COL24A1: variants seen among roughly 807,000 people sequenced by gnomAD.
COL24A1 encodes the protein collagen alpha-1(XXIV) chain.
A neutral mutation model predicts 253.9 loss-of-function variants in COL24A1; 224 were observed. That is an observed-to-expected ratio of 0.88 (90% confidence interval 0.79 to 0.99). The LOEUF is 0.99. Ranked by LOEUF, COL24A1 falls within the 50% of genes least tolerant of loss-of-function variation. The pLI, the probability that COL24A1 is intolerant of heterozygous loss-of-function variation, is 0.00. For missense variants in COL24A1, 2,131 were observed against 2,068.5 expected (o/e 1.03, Z -0.59); for synonymous variants, 685 against 673.7 (o/e 1.02, Z -0.26).
chr1:85,766,368 C>CAAAAAAAAAAAAAAAAAAAAGAAAAA (rs1667367433), intron 53 of COL24A1, among the ~76,000 whole-genome samples: 1 of 66,294 alleles, frequency 1.5e-5, no homozygotes, highest in Non-Finnish European at 2.6e-5. Context: ...GACTCTGTCT[C>CAAAAAAAAAAAAAAAAAAAAGAAAAA]AAAAAAAAAA....
intron 55 of COL24A1, among the ~76,000 whole-genome samples, chr1:85,746,100 G>A (rs1360760234): frequency 2.0e-5 from 3 of 151,774 alleles, no homozygotes; most frequent in Non-Finnish European, 4.4e-5. Flanking sequence ...ATTAGTAAAA[G>A]TCTTTTTTTT....
intron 32 of COL24A1, among the ~76,000 whole-genome samples, chr1:85,879,264 T>G (rs1681552574): frequency 6.6e-6 from 1 of 151,924 alleles, no homozygotes; most frequent in African/African-American, 2.4e-5. Flanking sequence ...TGTGTGTGTG[T>G]GTGTGTGTGT....
chr1:85,953,255 G>A (rs138121376), intron 24 of COL24A1, among the ~76,000 whole-genome samples: 16 of 152,098 alleles, frequency 1.1e-4, no homozygotes, highest in Admixed American at 2.6e-4. Context: ...GCCACCCCTC[G>A]ACCCCTTCTA....
intron 43 of COL24A1, among the ~76,000 whole-genome samples, chr1:85,832,873 C>A (rs575199025): frequency 6.7e-6 from 1 of 150,320 alleles, no homozygotes; most frequent in South Asian, 2.1e-4. Context: ...CATCTGCAAA[C>A]AGGGACAATT....
chr1:85,861,476 T>C (rs983517007), intron 37 of COL24A1, among the ~76,000 whole-genome samples: 1 of 152,204 alleles, frequency 6.6e-6, no homozygotes, highest in Non-Finnish European at 1.5e-5. Flanking sequence ...CCAATTTATC[T>C]TAGAAGACGT....
rs182160705 is a variant in COL24A1 at position 86,140,658 on chromosome 1, T to C, written c.121+5461A>G. ...CATGAACCTGAGAAAGATGTGCATG[T>C]TAAGAATTAGTTACACATTATGCAT... On this transcript the variant is annotated intron_variant, in intron 2 of 59. Transcript: ENST00000370571. Among the ~76,000 whole-genome samples the C allele has an allele frequency of 2.0e-5, 3 of 152,358 alleles. No homozygotes were observed. The East Asian group carries it at 5.8e-4, about 29-fold the overall frequency.
intron 19 of COL24A1, among the ~76,000 whole-genome samples, chr1:86,008,298 G>A (rs1696154337): frequency 6.6e-6 from 1 of 151,914 alleles, no homozygotes; most frequent in African/African-American, 2.4e-5. Flanking sequence ...AGGCTGGAGT[G>A]CAGTGGTGTA....
At chr1:85,947,631 T>G (rs960643214) in intron 24 of COL24A1, among the ~76,000 whole-genome samples, 2 of 152,018 alleles carry the variant, frequency 1.3e-5, no homozygotes, top group Non-Finnish European at 2.9e-5. Context: ...AAAATATTTG[T>G]TTTAAAAAGC....
chr1:86,010,247 CA>C (rs573760658), intron 19 of COL24A1, among the ~76,000 whole-genome samples: 2 of 151,932 alleles, frequency 1.3e-5, no homozygotes, highest in African/African-American at 4.8e-5. Flanking sequence ...TGCTTTCTGT[CA>C]AAAAACACTA....
intron 43 of COL24A1, among the ~76,000 whole-genome samples, chr1:85,828,371 G>A (rs1186463000): frequency 4.6e-5 from 7 of 151,260 alleles, no homozygotes; most frequent in African/African-American, 1.7e-4. Flanking sequence ...AATAGGTGTG[G>A]TGTGGTGCTG....
intron 24 of COL24A1, among the ~76,000 whole-genome samples, chr1:85,914,277 G>C (rs1183526800): frequency 6.7e-6 from 1 of 149,858 alleles, no homozygotes; most frequent in Non-Finnish European, 1.5e-5. Context: ...TAATTGTCAT[G>C]AGTATTTCAT....
chr1:85,890,219 A>G (rs1175234281), intron 31 of COL24A1, among the ~76,000 whole-genome samples: 1 of 152,172 alleles, frequency 6.6e-6, no homozygotes, highest in African/African-American at 2.4e-5. Context: ...GTATGCGAGT[A>G]TCTGTATGAG....
chr1:86,154,959 G>A (rs1176602106), intron 1 of COL24A1: 2 of 152,418 alleles, frequency 1.3e-5, no homozygotes, highest in Non-Finnish European at 2.9e-5. Flanking sequence ...CTCCAGGCTG[G>A]TCCACACAGA....
chr1:85,845,066 T>C (rs1677027658), intron 39 of COL24A1, among the ~76,000 whole-genome samples: 1 of 151,830 alleles, frequency 6.6e-6, no homozygotes, highest in South Asian at 2.1e-4. Context: ...CAAATACAAA[T>C]GCAAAACTCT....
At chr1:85,754,594 C>G (rs1666005022) in intron 55 of COL24A1, among the ~76,000 whole-genome samples, 2 of 143,848 alleles carry the variant, frequency 1.4e-5, no homozygotes, top group African/African-American at 5.1e-5. Flanking sequence ...AGAAAGATGT[C>G]TTACTAAGTA....
At chr1:85,819,800 G>A (rs764496569) in intron 45 of COL24A1, among the ~76,000 whole-genome samples, 1 of 151,438 alleles carries the variant, frequency 6.6e-6, no homozygotes, top group Non-Finnish European at 1.5e-5. Context: ...GGCAATCTCT[G>A]AAAAGAGCCC....
At chr1:85,789,593 T>G (rs967521135) in intron 47 of COL24A1, among the ~76,000 whole-genome samples, 1 of 152,156 alleles carries the variant, frequency 6.6e-6, no homozygotes, top group Non-Finnish European at 1.5e-5. Flanking sequence ...CTATGTTGAA[T>G]AGGAGTGAGG....
chr1:85,786,798 C>A (rs1209390042), intron 47 of COL24A1, among the ~76,000 whole-genome samples: 1 of 152,172 alleles, frequency 6.6e-6, no homozygotes, highest in Non-Finnish European at 1.5e-5. Flanking sequence ...CTCTGGTGTA[C>A]ATGGCAACTC....
intron 47 of COL24A1, among the ~76,000 whole-genome samples, chr1:85,813,100 A>G (rs1029367482): frequency 6.6e-6 from 1 of 152,078 alleles, no homozygotes; most frequent in African/African-American, 2.4e-5. Flanking sequence ...ATATACCTAT[A>G]GCAATATGAA....
Sources: allele counts gnomAD v4.1 joint callset (sites outside exome capture counted in the v4.1 genomes callset), GRCh38; gene constraint gnomAD v4.1.1; transcripts MANE v1.5; gene names NCBI Gene and HGNC (gene_info 2026-07-23, HGNC 2026-07-21).